Variants in SLC35D4 observed in about 807,000 individuals in gnomAD.
SLC35D4 encodes the protein UDP-N-acetylglucosamine transporter SLC35D4.
At chr18:23,421,505 G>T in the SLC35D4 span, 1 of 1,491,244 alleles carries the variant, frequency 6.7e-7, no homozygotes, top group South Asian at 1.1e-5. Context: ...ACACCATCCA[G>T]CCCCAGCAGA....
At chr18:23,310,485 G>A in the SLC35D4 span, among the ~76,000 whole-genome samples, 2 of 152,178 alleles carry the variant, frequency 1.3e-5, no homozygotes, top group Admixed American at 1.3e-4. Flanking sequence ...GTCCACACTT[G>A]GAATGTCTGC....
chr18:23,390,159 T>A, the SLC35D4 span, among the ~76,000 whole-genome samples: 1 of 152,202 alleles, frequency 6.6e-6, no homozygotes, highest in Non-Finnish European at 1.5e-5. Flanking sequence ...CATTATACGG[T>A]CAAGAAAACT....
the SLC35D4 span, among the ~76,000 whole-genome samples, chr18:23,313,126 CAAA>C: frequency 5.1e-4 from 15 of 29,484 alleles, no homozygotes; most frequent in South Asian, 3.0e-3. Context: ...GACTACATCT[CAAA>C]AAAAAAAAAA....
the SLC35D4 span, among the ~76,000 whole-genome samples, chr18:23,275,604 G>GTGCTA: frequency 1.1e-4 from 6 of 56,270 alleles, no homozygotes; most frequent in East Asian, 1.1e-3. Flanking sequence ...GTGCTGTGCT[G>GTGCTA]TGCTGTGCTG....
chr18:23,431,454 C>G, the SLC35D4 span, among the ~76,000 whole-genome samples: 1 of 152,176 alleles, frequency 6.6e-6, no homozygotes, highest in Non-Finnish European at 1.5e-5. Context: ...TCCAGTTTAC[C>G]TAAAAATCCA....
chr18:23,266,526 A>G, the SLC35D4 span, among the ~76,000 whole-genome samples: 5 of 152,050 alleles, frequency 3.3e-5, no homozygotes, highest in African/African-American at 1.2e-4. Context: ...CTTGTCCCCC[A>G]CTGCTCAGGC....
the SLC35D4 span, among the ~76,000 whole-genome samples, chr18:23,413,635 A>G: frequency 6.6e-6 from 1 of 152,180 alleles, no homozygotes; most frequent in Non-Finnish European, 1.5e-5. Context: ...GTATTAAGAA[A>G]TAGAGTTGGC....
chr18:23,305,803 A>T, the SLC35D4 span, among the ~76,000 whole-genome samples: 1 of 152,206 alleles, frequency 6.6e-6, no homozygotes, highest in Non-Finnish European at 1.5e-5. Context: ...GATGATTTAG[A>T]TATGGACCTG....
chr18:23,377,969 GGAGA>G, the SLC35D4 span, among the ~76,000 whole-genome samples: 3 of 151,940 alleles, frequency 2.0e-5, no homozygotes, highest in African/African-American at 7.2e-5. Flanking sequence ...GCTAAGAAGA[GGAGA>G]GAGAAAGAAA....
the SLC35D4 span, among the ~76,000 whole-genome samples, chr18:23,280,211 T>C: frequency 7.9e-5 from 12 of 152,250 alleles, no homozygotes; most frequent in South Asian, 2.1e-4. Flanking sequence ...TGGGCGTGTG[T>C]GCGCGCAGCC....
the SLC35D4 span, among the ~76,000 whole-genome samples, chr18:23,396,264 G>A: frequency 1.3e-5 from 2 of 152,140 alleles, no homozygotes; most frequent in Non-Finnish European, 1.5e-5. Context: ...GAGCTACCCC[G>A]AAAGTGTTTT....
At chr18:23,311,382 C>T in the SLC35D4 span, among the ~76,000 whole-genome samples, 1,584 of 146,376 alleles carry the variant, frequency 0.011, 11 homozygotes, top group Non-Finnish European at 0.018. Context: ...CGTGAGCCAC[C>T]GTGCCTGGCC....
At chr18:23,288,747 C>T in the SLC35D4 span, among the ~76,000 whole-genome samples, 1 of 152,192 alleles carries the variant, frequency 6.6e-6, no homozygotes, top group Admixed American at 6.5e-5. Context: ...CACCTTTATA[C>T]AGTCCGATAG....
chr18:23,289,527 C>T, the SLC35D4 span, among the ~76,000 whole-genome samples: 1 of 152,186 alleles, frequency 6.6e-6, no homozygotes, highest in Admixed American at 6.5e-5. Context: ...ATCCCTAATC[C>T]TGCTCAAAGC....
the SLC35D4 span, among the ~76,000 whole-genome samples, chr18:23,273,241 T>C: frequency 5.7e-4 from 87 of 151,718 alleles, no homozygotes; most frequent in Middle Eastern, 6.8e-3. Flanking sequence ...GCAGGAGGAG[T>C]TGGAATCAGA....
At chr18:23,409,367 C>T in the SLC35D4 span, among the ~76,000 whole-genome samples, 1 of 152,172 alleles carries the variant, frequency 6.6e-6, no homozygotes, top group African/African-American at 2.4e-5. Context: ...TCACATCTTT[C>T]CATGTCAAAA....
chr18:23,411,477 AAGAGAT>A, the SLC35D4 span, among the ~76,000 whole-genome samples: 10 of 107,288 alleles, frequency 9.3e-5, no homozygotes, highest in African/African-American at 3.4e-4. Flanking sequence ...AAAAGAAAGA[AAGAGAT>A]AGAAAGAAAG....
the SLC35D4 span, among the ~76,000 whole-genome samples, chr18:23,432,542 G>A: frequency 3.3e-5 from 5 of 151,968 alleles, no homozygotes; most frequent in East Asian, 3.9e-4. Flanking sequence ...TTAGCCGGGC[G>A]TGGTGGTATG....
the SLC35D4 span, chr18:23,377,674 G>A: frequency 6.4e-7 from 1 of 1,569,272 alleles, no homozygotes; most frequent in Non-Finnish European, 8.6e-7. Context: ...GATGTTTTCT[G>A]CATAAAAGTA....
Sources: gnomAD v4.1 joint callset for allele counts (sites outside exome capture counted in the v4.1 genomes callset) on GRCh38, gnomAD v4.1.1 for gene constraint, MANE v1.5 for transcripts, NCBI Gene and HGNC (gene_info 2026-07-23, HGNC 2026-07-21) for gene names.